Variants in EPAS1 observed in about 807,000 individuals in gnomAD.
EPAS1 encodes the protein endothelial PAS domain-containing protein 1.
In EPAS1, 23 loss-of-function variants were observed where a neutral mutation model predicts 87.9. The observed-to-expected ratio is 0.26, with a 90% CI of 0.19 to 0.37. The LOEUF (loss-of-function observed/expected upper bound fraction) is 0.37, where lower values mean the gene tolerates loss of function less well. Among genes scored for constraint, EPAS1 ranks in the 10% least tolerant of loss-of-function variants. EPAS1 has a pLI of 1.00. For missense variants in EPAS1, 1,138 were observed against 1,120.7 expected (o/e 1.02, Z -0.22); for synonymous variants, 508 against 444.3 (o/e 1.14, Z -1.80).
intron 1 of EPAS1, among the ~76,000 whole-genome samples, chr2:46,307,290 G>C (rs1404640608): frequency 6.6e-6 from 1 of 152,202 alleles, no homozygotes; most frequent in Non-Finnish European, 1.5e-5. Context: ...CCTGGGTTTG[G>C]AGCAGTGTGG....
intron 1 of EPAS1, among the ~76,000 whole-genome samples, chr2:46,330,574 T>C (rs1683654622): frequency 6.6e-6 from 1 of 152,254 alleles, no homozygotes; most frequent in South Asian, 2.1e-4. Flanking sequence ...GTCTTTGCGC[T>C]AAAACAGGCT....
Position 46,297,632 on chromosome 2 carries a change from C to G in EPAS1, c.-280C>G. 1 of 498,484 alleles carries G rather than the reference C, an allele frequency of 2.0e-6. No homozygotes were observed. The allele number at this position is 498,484 out of a possible 1,614,324, so 30.9% of individuals were successfully genotyped here. On this transcript the variant is annotated 5_prime_UTR_variant, in exon 1 of 16. Coordinates refer to ENST00000263734, the MANE Select transcript of EPAS1 (RefSeq NM_001430.5). Reference sequence around the variant, plus strand: ...GAAAAAGGAACTTGGGTTCCCTTCTCTCCGTCCTCTTTTCGGGTCTGACAG... The same window carrying G: ...GAAAAAGGAACTTGGGTTCCCTTCTGTCCGTCCTCTTTTCGGGTCTGACAG...
intron 12 of EPAS1, chr2:46,381,355 C>G (rs148587953): frequency 1.7e-6 from 1 of 587,090 alleles, no homozygotes; most frequent in Non-Finnish European, 3.0e-6. Context: ...TAACATTGCC[C>G]AGCCAGGCAG....
intron 1 of EPAS1, among the ~76,000 whole-genome samples, chr2:46,327,773 G>A (rs528364851): frequency 6.6e-6 from 1 of 152,270 alleles, no homozygotes; most frequent in South Asian, 2.1e-4. Context: ...TGGAAAAAGT[G>A]TTCTGCCCTG....
At chr2:46,298,005 C>T (rs1436407621) in intron 1 of EPAS1, 68 bp downstream of exon 1, 2 of 1,582,720 alleles carry the variant, frequency 1.3e-6, no homozygotes, top group African/African-American at 2.7e-5. Context: ...GGGGCAGGCG[C>T]GACCGAGAGT....
chr2:46,348,245 G>C (rs560317464), intron 2 of EPAS1, among the ~76,000 whole-genome samples: 14 of 152,170 alleles, frequency 9.2e-5, no homozygotes, highest in African/African-American at 3.4e-4. Flanking sequence ...GAGAGCCAAG[G>C]GGGAAGATAT....
chr2:46,366,503 T>TCTGCATCTCTCTCCTCA (rs1375127678), intron 6 of EPAS1, among the ~76,000 whole-genome samples: 1 of 152,028 alleles, frequency 6.6e-6, no homozygotes, highest in Non-Finnish European at 1.5e-5. Context: ...TGACTATCTA[T>TCTGCATCTCTCTCCTCA]CTGCATCTCT....
rs1329219739 is a variant in EPAS1 at position 46,370,314 on chromosome 2, G to A, written c.886+381G>A. On this transcript the variant is annotated intron_variant, in intron 7 of 15. Transcript: ENST00000263734. ...AAATAATTCAACATATCATCAACTTGGGTGCATGCTATAGATTCAAGTACA... is the reference window on the plus strand; with the variant it reads ...AAATAATTCAACATATCATCAACTTAGGTGCATGCTATAGATTCAAGTACA... 2.0e-5 allele frequency among the ~76,000 whole-genome samples: 3 copies of A among 152,196 alleles called. No homozygotes were observed. In the East Asian group the frequency reaches 5.8e-4, roughly 29 times the overall value.
chr2:46,379,443 G>A (rs1341922267), intron 11 of EPAS1, among the ~76,000 whole-genome samples: 4 of 152,062 alleles, frequency 2.6e-5, no homozygotes, highest in Admixed American at 2.6e-4. Context: ...TGCAAAACAT[G>A]CCCAATTTTA....
intron 2 of EPAS1, among the ~76,000 whole-genome samples, chr2:46,351,539 T>A (rs902924100): frequency 2.6e-5 from 4 of 152,156 alleles, no homozygotes; most frequent in African/African-American, 9.7e-5. Flanking sequence ...TGACTGGCAC[T>A]GCTCTTGCAG....
In EPAS1 at chr2:46,297,488, CG is replaced by C. The variant is rs1300217141; in HGVS notation, c.-422del. 1 of 209,752 alleles carries C rather than the reference CG, an allele frequency of 4.8e-6. No homozygotes were observed. The highest frequency in any genetic ancestry group is 9.6e-6 in the Non-Finnish European group (1 of 103,994). The allele number at this position is 209,752 out of a possible 1,614,324, so 13.0% of individuals were successfully genotyped here. ...GCTCCTGAGGCGGCCGTACAATCCT[CG>C]GCAGTGTCCTGAGACTGTATGGTCA... On this transcript the variant is annotated 5_prime_UTR_variant, in exon 1 of 16. Transcript: ENST00000263734.
At chr2:46,316,136 C>A (rs1467247974) in intron 1 of EPAS1, among the ~76,000 whole-genome samples, 2 of 152,034 alleles carry the variant, frequency 1.3e-5, no homozygotes, top group East Asian at 3.8e-4. Flanking sequence ...AGGTTCGTTC[C>A]AGGCCACTAC....
chr2:46,316,864 A>T (rs755840758), intron 1 of EPAS1, among the ~76,000 whole-genome samples: 2 of 152,226 alleles, frequency 1.3e-5, no homozygotes, highest in African/African-American at 4.8e-5. Flanking sequence ...ATTGGTGTCA[A>T]TCCTCTCAAA....
chr2:46,302,700 T>G (rs374874519), intron 1 of EPAS1, among the ~76,000 whole-genome samples: 1 of 141,122 alleles, frequency 7.1e-6, no homozygotes, highest in African/African-American at 2.7e-5. Flanking sequence ...ATAGGGGATA[T>G]GGTCCTGGTC....
At chr2:46,352,739 C>G (rs1243502518) in intron 2 of EPAS1, among the ~76,000 whole-genome samples, 1 of 152,220 alleles carries the variant, frequency 6.6e-6, no homozygotes, top group Non-Finnish European at 1.5e-5. Context: ...CCTGTCCCGG[C>G]CCTGCCGTCA....
intron 1 of EPAS1, among the ~76,000 whole-genome samples, chr2:46,333,773 G>A (rs1008919711): frequency 2.0e-5 from 3 of 151,936 alleles, no homozygotes; most frequent in African/African-American, 7.3e-5. Context: ...GCTGAAAATG[G>A]TTTTGGGGAA....
intron 2 of EPAS1, among the ~76,000 whole-genome samples, chr2:46,349,083 A>G (rs1684091745): frequency 6.6e-6 from 1 of 152,074 alleles, no homozygotes; most frequent in African/African-American, 2.4e-5. Context: ...GGACAGCAAG[A>G]GCATTTTGTA....
intron 1 of EPAS1, among the ~76,000 whole-genome samples, chr2:46,315,053 C>T (rs1479368129): frequency 6.6e-6 from 1 of 152,244 alleles, no homozygotes; most frequent in Non-Finnish European, 1.5e-5. Context: ...GTTTCCACTT[C>T]TGTTAGATGG....
intron 11 of EPAS1, chr2:46,379,649 C>G: frequency 6.2e-6 from 1 of 162,538 alleles, no homozygotes; most frequent in Admixed American, 5.7e-5. Flanking sequence ...TTGTATCATG[C>G]GTCCGTCATG....
Sources: allele counts gnomAD v4.1 joint callset (sites outside exome capture counted in the v4.1 genomes callset), GRCh38; gene constraint gnomAD v4.1.1; transcripts MANE v1.5; gene names NCBI Gene and HGNC (gene_info 2026-07-23, HGNC 2026-07-21).